Variants in MCTP1 observed in about 807,000 individuals in gnomAD.
The protein encoded by MCTP1 is multiple C2 and transmembrane domain containing 1.
A neutral mutation model predicts 120.6 loss-of-function variants in MCTP1; 69 were observed. The observed-to-expected ratio is 0.57, with a 90% CI of 0.47 to 0.70. The LOEUF is 0.70. Ranked by LOEUF, MCTP1 falls within the 30% of genes least tolerant of loss-of-function variation. The pLI, the probability that MCTP1 is intolerant of heterozygous loss-of-function variation, is 0.00. For synonymous variants in MCTP1, 529 were observed against 493.1 expected (o/e 1.07, Z -0.96); for missense variants, 1,203 against 1,248.8 (o/e 0.96, Z 0.55).
intron 18 of MCTP1, among the ~76,000 whole-genome samples, chr5:94,794,505 A>C (rs1467952088): frequency 6.6e-6 from 1 of 152,202 alleles, no homozygotes; most frequent in Non-Finnish European, 1.5e-5. Context: ...GACACTAAGA[A>C]AGCAGTCCTT....
At chr5:94,822,740 A>G (rs1785967682) in intron 17 of MCTP1, among the ~76,000 whole-genome samples, 1 of 152,148 alleles carries the variant, frequency 6.6e-6, no homozygotes, top group Non-Finnish European at 1.5e-5. Context: ...ATTTTTAATG[A>G]TCGCCATTCT....
chr5:95,230,126 C>T (rs895770147), intron 1 of MCTP1, among the ~76,000 whole-genome samples: 8 of 151,678 alleles, frequency 5.3e-5, no homozygotes, highest in Non-Finnish European at 1.2e-4. Flanking sequence ...AACCATTTTC[C>T]ATGTGACAGG....
At chr5:94,909,169 T>C in intron 10 of MCTP1, 82 bp downstream of exon 10, 1 of 1,471,248 alleles carries the variant, frequency 6.8e-7, no homozygotes, top group South Asian at 1.2e-5. Flanking sequence ...GTAAAGATCA[T>C]TTACAATAAC....
chr5:94,945,564 T>G (rs557059469), intron 3 of MCTP1, among the ~76,000 whole-genome samples: 1 of 152,294 alleles, frequency 6.6e-6, no homozygotes, highest in South Asian at 2.1e-4. Flanking sequence ...CAAGTACTGT[T>G]CTAGGCATTT....
chr5:94,875,358 T>G (rs1429963778), intron 12 of MCTP1, among the ~76,000 whole-genome samples: 1 of 151,922 alleles, frequency 6.6e-6, no homozygotes, highest in Non-Finnish European at 1.5e-5. Flanking sequence ...CCGGTGTGGC[T>G]GGAGGAATGT....
At chr5:94,832,967 A>G (rs1788901102) in intron 17 of MCTP1, among the ~76,000 whole-genome samples, 2 of 152,240 alleles carry the variant, frequency 1.3e-5, no homozygotes, top group Non-Finnish European at 2.9e-5. Flanking sequence ...ATAATGAGAT[A>G]ACCACACACC....
chr5:94,967,882 A>C (rs1363778767), intron 2 of MCTP1, among the ~76,000 whole-genome samples: 1 of 152,212 alleles, frequency 6.6e-6, no homozygotes, highest in Non-Finnish European at 1.5e-5. Context: ...TCATAGGATA[A>C]AATTTGCTAC....
chr5:95,069,108 T>A (rs1328784783), intron 1 of MCTP1, among the ~76,000 whole-genome samples: 3 of 152,204 alleles, frequency 2.0e-5, no homozygotes, highest in Admixed American at 1.3e-4. Context: ...TAGAGCCACA[T>A]ATTTTCTCTC....
chr5:95,154,653 C>T (rs965301794), intron 1 of MCTP1, among the ~76,000 whole-genome samples: 2 of 152,076 alleles, frequency 1.3e-5, no homozygotes, highest in African/African-American at 4.8e-5. Context: ...TTCTTCAATC[C>T]TATAACTGAA....
At chr5:95,107,293 G>C (rs1235748401) in intron 1 of MCTP1, among the ~76,000 whole-genome samples, 1 of 152,106 alleles carries the variant, frequency 6.6e-6, no homozygotes, top group Admixed American at 6.5e-5. Context: ...AATGAATCGG[G>C]TACTCTGGGG....
chr5:95,117,162 G>A (rs537092913), intron 1 of MCTP1, among the ~76,000 whole-genome samples: 139 of 152,106 alleles, frequency 9.1e-4, no homozygotes, highest in Non-Finnish European at 1.7e-3. Flanking sequence ...AGGCCAAGGC[G>A]GGTGGATCAC....
intron 10 of MCTP1, among the ~76,000 whole-genome samples, chr5:94,904,742 T>A (rs549914825): frequency 1.3e-5 from 2 of 152,322 alleles, no homozygotes; most frequent in African/African-American, 4.8e-5. Flanking sequence ...ATGCCTGGTG[T>A]CAGATCAGCA....
At chr5:95,192,158 C>A (rs902935487) in intron 1 of MCTP1, among the ~76,000 whole-genome samples, 1 of 151,998 alleles carries the variant, frequency 6.6e-6, no homozygotes, top group East Asian at 1.9e-4. Context: ...AAGTTTTTCA[C>A]ATTAACTTAA....
chr5:94,949,497 C>G (rs562864782), intron 3 of MCTP1, among the ~76,000 whole-genome samples: 9 of 151,956 alleles, frequency 5.9e-5, no homozygotes. Flanking sequence ...TAAATTCCAA[C>G]CAATTGCAAA....
chr5:94,740,690 T>G (rs537081200), intron 19 of MCTP1, among the ~76,000 whole-genome samples: 11 of 152,328 alleles, frequency 7.2e-5, no homozygotes, highest in African/African-American at 2.2e-4. Context: ...TTCTGTTTAT[T>G]TGGTCAGTCG....
intron 9 of MCTP1, 26 bp from the exon 10 acceptor site, chr5:94,909,407 T>A (rs116250510): frequency 1.3e-6 from 2 of 1,568,054 alleles, no homozygotes; most frequent in Non-Finnish European, 1.7e-6. Flanking sequence ...ATAATTGTCA[T>A]ATTGCTAGCA....
chr5:94,892,159 C>T (rs1034245234), intron 11 of MCTP1, among the ~76,000 whole-genome samples: 6 of 152,248 alleles, frequency 3.9e-5, no homozygotes, highest in East Asian at 1.9e-4. Context: ...GTCACCGTGA[C>T]GTCTTATTCC....
At chr5:95,231,328 A>G (rs1754914951) in intron 1 of MCTP1, among the ~76,000 whole-genome samples, 1 of 152,110 alleles carries the variant, frequency 6.6e-6, no homozygotes, top group Non-Finnish European at 1.5e-5. Context: ...AAGAAAACTG[A>G]TGGATAAGGA....
At position 95,116,988 on chromosome 5, in the gene MCTP1, C is replaced by T. The variant is rs1302073668; in HGVS notation, c.721-99504G>A. Among the ~76,000 whole-genome samples, 3 of 152,052 alleles carry T rather than the reference C, an allele frequency of 2.0e-5. 1 individual carries two copies. Among genetic ancestry groups the T allele is most frequent in the African/African-American group, 7.2e-5 (3 of 41,388 alleles). ...TATGGAGAAAATTTTTGCAATCTGTCCGTCTGACAAATGTCTAATATTCAG... is the reference window on the plus strand; with the variant it reads ...TATGGAGAAAATTTTTGCAATCTGTTCGTCTGACAAATGTCTAATATTCAG... On this transcript the variant is annotated intron_variant, in intron 1 of 22. Coordinates refer to ENST00000515393, the MANE Select transcript of MCTP1 (RefSeq NM_024717.7).
Sources: gnomAD v4.1 joint callset for allele counts (sites outside exome capture counted in the v4.1 genomes callset) on GRCh38, gnomAD v4.1.1 for gene constraint, MANE v1.5 for transcripts, NCBI Gene and HGNC (gene_info 2026-07-23, HGNC 2026-07-21) for gene names.